The following CDK17 variants were observed in gnomAD, a reference collection of about 807,000 sequenced individuals.
CDK17 encodes cyclin dependent kinase 17.
In CDK17, 24 loss-of-function variants were observed where a neutral mutation model predicts 77.6. The ratio of observed to expected loss-of-function variants is 0.31; its 90% CI spans 0.22 to 0.44. CDK17 has a LOEUF of 0.44. Ranked by LOEUF, CDK17 falls within the 20% of genes least tolerant of loss-of-function variation. The pLI is 1.00. For missense variants in CDK17, 429 were observed against 622.5 expected (o/e 0.69, Z 3.31); for synonymous variants, 203 against 210.4 (o/e 0.96, Z 0.30).
rs1210406371 is a variant in CDK17, at chr12:96,313,365, C to T, written c.373G>A (p.Gly125Ser). 1 of 1,599,226 alleles carries T rather than the reference C, an allele frequency of 6.3e-7. No homozygotes were observed. The highest frequency in any genetic ancestry group is 8.5e-7 in the Non-Finnish European group (1 of 1,174,428). ...TGTATACGATTTCTGAGACAAACAC[C>T]TGTAGGTGACTGGACTTCATCAGAT... The part of the protein sequence containing the change: ...TSSDEVQSPT[G>S]VCLRNRIHRR... The change falls in exon 4 of 17, where the codon GGT becomes AGT. Residue 125 changes from glycine to serine, a missense_variant. Around this residue, in one of 4 missense-constraint regions of CDK17, gnomAD observed 262 missense variants for 385.4 expected, o/e 0.68. Coordinates refer to ENST00000261211, the MANE Select transcript of CDK17 (RefSeq NM_002595.5).
intron 2 of CDK17, among the ~76,000 whole-genome samples, chr12:96,325,998 TG>T (rs1346298258): frequency 6.6e-6 from 1 of 152,186 alleles, no homozygotes; most frequent in Non-Finnish European, 1.5e-5. Context: ...CATTCCAGCC[TG>T]GGTGGCAAAG....
Position 96,280,101 on chromosome 12 carries a change from A to G in CDK17, c.*141T>C. The G allele has an allele frequency of 1.3e-6, 1 of 757,192 alleles. No individual in the cohort carries two copies. Among genetic ancestry groups the G allele is most frequent in the Non-Finnish European group, 2.0e-6 (1 of 503,542 alleles). 46.9% of individuals were successfully genotyped at this position (757,192 alleles called of 1,614,324 possible). A position where few individuals can be genotyped will look rare whatever the true frequency, so the allele number is the denominator to read the frequency against. On this transcript the variant is annotated 3_prime_UTR_variant, in exon 17 of 17. Coordinates refer to ENST00000261211, the MANE Select transcript of CDK17 (RefSeq NM_002595.5). ...AATATAAAAACAATCTGTAGGTCTG[A>G]AATAAAAAGACTCCACTGTGAAGAG... is the stretch of plus-strand genomic sequence containing the variant.
rs1954241668 is a variant in CDK17 at position 96,400,289 on chromosome 12, G to A, written c.-333C>T. 5.1e-6 allele frequency: 2 copies of A among 390,994 alleles called. No homozygotes were observed. The highest frequency in any genetic ancestry group is 1.3e-4 in the South Asian group (1 of 7,780). The allele number at this position is 390,994 out of a possible 1,614,324, so 24.2% of individuals were successfully genotyped here. ...CCTCGGAGCAGCCGGGCGCGAGCGC[G>A]GCGGGCGCCGACGGCGGGCTGAGAC... On this transcript the variant is annotated 5_prime_UTR_variant, in exon 1 of 17. Coordinates refer to ENST00000261211, the MANE Select transcript of CDK17 (RefSeq NM_002595.5).
chr12:96,297,737 A>T lies in CDK17; in HGVS notation c.716-16T>A, dbSNP rs774715750. ...AATAGTGAAACTGCAAAACAGAAAA[A>T]GAAAATTGTTTAGTCTGTGGCAGTC... On this transcript the variant is annotated splice_polypyrimidine_tract_variant and intron_variant, in intron 7 of 16. Transcript: ENST00000261211. The T allele has an allele frequency of 7.2e-7, 1 of 1,383,848 alleles. No individual in the cohort carries two copies. The highest frequency in any genetic ancestry group is 1.0e-6 in the Non-Finnish European group (1 of 980,128). 85.7% of individuals were successfully genotyped at this position (1,383,848 alleles called of 1,614,324 possible). A position where few individuals can be genotyped will look rare whatever the true frequency, so the allele number is the denominator to read the frequency against.
intron 1 of CDK17, among the ~76,000 whole-genome samples, chr12:96,361,885 T>C (rs769009909): frequency 3.3e-5 from 5 of 152,232 alleles, no homozygotes; most frequent in Non-Finnish European, 5.9e-5. Context: ...AAGGACTGAA[T>C]TGCTAAAATT....
At chr12:96,375,566 G>T (rs1225560663) in intron 1 of CDK17, among the ~76,000 whole-genome samples, 1 of 143,654 alleles carries the variant, frequency 7.0e-6, no homozygotes, top group Non-Finnish European at 1.5e-5. Flanking sequence ...CTAGGCTGGA[G>T]TACAATGGCG....
chr12:96,384,519 A>G (rs1953938261), intron 1 of CDK17, among the ~76,000 whole-genome samples: 1 of 152,222 alleles, frequency 6.6e-6, no homozygotes, highest in South Asian at 2.1e-4. Context: ...GTGCCCACTG[A>G]TGGTGAACTG....
At chr12:96,353,171 T>C (rs757769820) in intron 1 of CDK17, among the ~76,000 whole-genome samples, 1 of 152,236 alleles carries the variant, frequency 6.6e-6, no homozygotes, top group Non-Finnish European at 1.5e-5. Flanking sequence ...AAAAAACATA[T>C]ATAAATACAT....
At chr12:96,332,215 T>C (rs1952982900) in intron 2 of CDK17, among the ~76,000 whole-genome samples, 1 of 152,342 alleles carries the variant, frequency 6.6e-6, no homozygotes, top group African/African-American at 2.4e-5. Context: ...TAAGCTATAC[T>C]ACCTAGTTTT....
At chr12:96,292,188 C>T (rs1360355563) in intron 10 of CDK17, among the ~76,000 whole-genome samples, 2 of 152,088 alleles carry the variant, frequency 1.3e-5, no homozygotes, top group Non-Finnish European at 2.9e-5. Context: ...CTTCAAATGG[C>T]AAAGTATTAA....
At chr12:96,399,352 CT>C (rs1954221434) in intron 1 of CDK17, 1 of 152,514 alleles carries the variant, frequency 6.6e-6, no homozygotes, top group Non-Finnish European at 1.5e-5. Context: ...TACCTCCGCT[CT>C]TGACCAACAC....
chr12:96,339,325 C>T (rs1051163870), intron 1 of CDK17, among the ~76,000 whole-genome samples: 2 of 151,854 alleles, frequency 1.3e-5, no homozygotes, highest in African/African-American at 4.8e-5. Flanking sequence ...AGTTGTGCTG[C>T]AGCTGTAAAA....
At chr12:96,355,554 G>A (rs1953381355) in intron 1 of CDK17, among the ~76,000 whole-genome samples, 1 of 151,692 alleles carries the variant, frequency 6.6e-6, no homozygotes, top group South Asian at 2.1e-4. Flanking sequence ...ACAGGCACGC[G>A]CTACCATGTC....
chr12:96,334,594 A>C (rs1267639414), intron 2 of CDK17, 125 bp downstream of exon 2: 1 of 591,792 alleles, frequency 1.7e-6, no homozygotes, highest in Non-Finnish European at 3.0e-6. Context: ...TTTCCTAAGA[A>C]ACCATGGAAT....
chr12:96,297,379 G>T, intron 8 of CDK17, 47 bp from the exon 9 acceptor site: 1 of 1,230,330 alleles, frequency 8.1e-7, no homozygotes, highest in Non-Finnish European at 1.2e-6. Context: ...TTTTCAGAAT[G>T]TTGTGACTGG....
At chr12:96,384,243 C>CA (rs1953933633) in intron 1 of CDK17, among the ~76,000 whole-genome samples, 1 of 152,018 alleles carries the variant, frequency 6.6e-6, no homozygotes. Context: ...ATTAAAAAGT[C>CA]AAAAAATAAC....
intron 5 of CDK17, among the ~76,000 whole-genome samples, chr12:96,306,433 T>C (rs1162257062): frequency 1.3e-5 from 2 of 151,576 alleles, no homozygotes; most frequent in Non-Finnish European, 2.9e-5. Flanking sequence ...AAAAATTATA[T>C]ATATATATGA....
At chr12:96,287,384 A>G (rs1022640472) in intron 11 of CDK17, among the ~76,000 whole-genome samples, 6 of 152,170 alleles carry the variant, frequency 3.9e-5, no homozygotes, top group African/African-American at 1.4e-4. Context: ...TTAAGACATA[A>G]TCCTTCCATT....
At chr12:96,310,210 G>A (rs1952629801) in intron 5 of CDK17, among the ~76,000 whole-genome samples, 2 of 151,920 alleles carry the variant, frequency 1.3e-5, no homozygotes, top group Non-Finnish European at 2.9e-5. Context: ...CTGAACAAAA[G>A]AAGCTAACAA....
Sources: allele counts gnomAD v4.1 joint callset (sites outside exome capture counted in the v4.1 genomes callset), GRCh38; gene constraint gnomAD v4.1.1; regional missense constraint gnomAD v4.1.1; transcripts MANE v1.5; gene names NCBI Gene and HGNC (gene_info 2026-07-23, HGNC 2026-07-21).